The following DHRSX variants were observed in gnomAD, a reference collection of about 807,000 sequenced individuals.
The protein encoded by DHRSX is polyprenol dehydrogenase.
Under a neutral mutation model 34.0 loss-of-function variants are expected in DHRSX, and 31 were observed. That is an observed-to-expected ratio of 0.91 (90% CI 0.69 to 1.23). The LOEUF (loss-of-function observed/expected upper bound fraction) is 1.23, where lower values mean the gene tolerates loss of function less well. Among genes scored for constraint, DHRSX ranks in the 50% most tolerant of loss-of-function variants. DHRSX has a pLI of 0.00. For synonymous variants in DHRSX, 201 were observed against 183.8 expected, an observed-to-expected ratio of 1.09 and a Z score of -0.76; for missense variants, 414 against 428.1, an observed-to-expected ratio of 0.97 and a Z score of 0.29.
At chrX:2,276,600 T>C (rs1602855705) in intron 4 of DHRSX, among the ~76,000 whole-genome samples, 1 of 152,114 alleles carries the variant, frequency 6.6e-6, no homozygotes, top group East Asian at 1.9e-4. Context: ...ACGCTCAGGG[T>C]CACAATCACA....
At chrX:2,226,720 G>A (rs975956087) in intron 6 of DHRSX, among the ~76,000 whole-genome samples, 8 of 152,118 alleles carry the variant, frequency 5.3e-5, no homozygotes, top group East Asian at 1.9e-4. Context: ...GCGTGAACCC[G>A]GGAGGCGGGG....
intron 1 of DHRSX, among the ~76,000 whole-genome samples, chrX:2,440,984 T>C (rs1342523069): frequency 6.6e-6 from 1 of 152,018 alleles, no homozygotes; most frequent in African/African-American, 2.4e-5. Context: ...GAATCAGCAA[T>C]GAGGAGCTAC....
intron 3 of DHRSX, among the ~76,000 whole-genome samples, chrX:2,351,194 C>T (rs1276120164): frequency 2.6e-5 from 4 of 152,160 alleles, no homozygotes; most frequent in Non-Finnish European, 5.9e-5. Flanking sequence ...ACACGCACAC[C>T]TATGTAACGA....
intron 3 of DHRSX, among the ~76,000 whole-genome samples, chrX:2,369,605 C>T (rs2043033664): frequency 6.6e-6 from 1 of 151,980 alleles, no homozygotes; most frequent in African/African-American, 2.4e-5. Flanking sequence ...CAAACGATTC[C>T]CCTGCCTCAG....
intron 2 of DHRSX, among the ~76,000 whole-genome samples, chrX:2,415,617 A>G (rs2043683296): frequency 6.6e-6 from 1 of 151,686 alleles, no homozygotes; most frequent in African/African-American, 2.4e-5. Context: ...AAATCTCCTC[A>G]TACCCTAACC....
At chrX:2,284,404 T>TTGAA (rs750399883) in intron 4 of DHRSX, among the ~76,000 whole-genome samples, 1,919 of 151,292 alleles carry the variant, frequency 0.013, 11 homozygotes, top group Non-Finnish European at 0.019. Flanking sequence ...ATGAATGAAT[T>TTGAA]TGAATGAATG....
intron 6 of DHRSX, among the ~76,000 whole-genome samples, chrX:2,236,884 A>T (rs1386169530): frequency 8.1e-5 from 4 of 49,382 alleles, no homozygotes; most frequent in Admixed American, 1.9e-4. Context: ...GTTTATTAAT[A>T]AAAAAAAAAA....
At chrX:2,357,928 A>G (rs2042877470) in intron 3 of DHRSX, among the ~76,000 whole-genome samples, 1 of 152,164 alleles carries the variant, frequency 6.6e-6, no homozygotes, top group Admixed American at 6.6e-5. Context: ...TAGTCAAAAC[A>G]GGGTAACTCT....
intron 2 of DHRSX, among the ~76,000 whole-genome samples, chrX:2,416,028 C>A (rs1453663955): frequency 6.6e-6 from 1 of 151,312 alleles, no homozygotes; most frequent in Non-Finnish European, 1.5e-5. Flanking sequence ...AGACCTAATA[C>A]AATTAGTTCT....
intron 1 of DHRSX, chrX:2,490,091 T>G: frequency 6.2e-7 from 1 of 1,613,796 alleles, no homozygotes; most frequent in African/African-American, 1.3e-5. Context: ...CAGCGTGACG[T>G]AGGCGCGGTT....
At chrX:2,466,807 C>T (rs1411852739) in intron 1 of DHRSX, among the ~76,000 whole-genome samples, 1 of 151,822 alleles carries the variant, frequency 6.6e-6, no homozygotes, top group African/African-American at 2.4e-5. Context: ...GGCGGTGATT[C>T]ATAATCCCAG....
At chrX:2,263,862 CAG>C (rs1039546515) in intron 5 of DHRSX, among the ~76,000 whole-genome samples, 65 of 152,162 alleles carry the variant, frequency 4.3e-4, no homozygotes, top group Non-Finnish European at 5.4e-4. Context: ...ATTATTCCCA[CAG>C]AGGAATCGTT....
intron 6 of DHRSX, among the ~76,000 whole-genome samples, chrX:2,231,937 T>TC (rs1463992655): frequency 6.7e-6 from 1 of 150,292 alleles, no homozygotes; most frequent in African/African-American, 2.5e-5. Flanking sequence ...TTTCTCTTCC[T>TC]CTTCTCTCCT....
At chrX:2,360,594 C>CA (rs781593917) in intron 3 of DHRSX, among the ~76,000 whole-genome samples, 32 of 151,836 alleles carry the variant, frequency 2.1e-4, no homozygotes, top group African/African-American at 6.8e-4. Flanking sequence ...ACAACAACAA[C>CA]AAAAAAATAC....
chrX:2,409,437 C>T (rs1451029993), intron 2 of DHRSX, among the ~76,000 whole-genome samples: 1 of 152,198 alleles, frequency 6.6e-6, no homozygotes, highest in Non-Finnish European at 1.5e-5. Flanking sequence ...CCCTCAACCC[C>T]TCGACAGGCC....
chrX:2,308,324 C>T (rs1400951808), intron 3 of DHRSX, among the ~76,000 whole-genome samples: 1 of 152,048 alleles, frequency 6.6e-6, no homozygotes, highest in Admixed American at 6.6e-5. Context: ...ATGTCTGTAT[C>T]TTGATGGTAA....
At chrX:2,248,381 G>T (rs1022855225) in intron 5 of DHRSX, among the ~76,000 whole-genome samples, 5 of 150,272 alleles carry the variant, frequency 3.3e-5, no homozygotes, top group Non-Finnish European at 5.9e-5. Flanking sequence ...TGCAGTGAGT[G>T]GAGATTGCGC....
intron 4 of DHRSX, among the ~76,000 whole-genome samples, chrX:2,290,819 G>A (rs1258343570): frequency 6.6e-6 from 1 of 152,168 alleles, no homozygotes; most frequent in Non-Finnish European, 1.5e-5. Context: ...AGTGTGGAGG[G>A]TTCAGGTTAA....
At chrX:2,312,238 C>T (rs1448656108) in intron 3 of DHRSX, among the ~76,000 whole-genome samples, 4 of 152,146 alleles carry the variant, frequency 2.6e-5, no homozygotes, top group Non-Finnish European at 4.4e-5. Flanking sequence ...CCAGGCACTT[C>T]GCTGGCTGGG....
Sources: allele counts gnomAD v4.1 joint callset (sites outside exome capture counted in the v4.1 genomes callset), GRCh38; gene constraint gnomAD v4.1.1; transcripts MANE v1.5; gene names NCBI Gene and HGNC (gene_info 2026-07-23, HGNC 2026-07-21).